The following ZNF727 variants were observed in gnomAD, a reference collection of about 807,000 sequenced individuals.
ZNF727 encodes zinc finger protein 727.
In ZNF727, 11 loss-of-function variants were observed where a neutral mutation model predicts 11.5. That is an observed-to-expected ratio of 0.95 (90% CI 0.60 to 1.58). The LOEUF (loss-of-function observed/expected upper bound fraction) is 1.58, where lower values mean the gene tolerates loss of function less well. ZNF727 is among the 40% of genes most tolerant of loss of function. The pLI is 0.00. For missense variants in ZNF727, 533 were observed against 581.7 expected, an observed-to-expected ratio of 0.92 and a Z score of 0.86; for synonymous variants, 171 against 196.1, an observed-to-expected ratio of 0.87 and a Z score of 1.07.
rs143313934 is a variant in ZNF727 at position 64,059,233 on chromosome 7, G to A, written c.4-9658G>A. On this transcript the variant is annotated intron_variant, in intron 1 of 3. Transcript: ENST00000456806. Reference sequence around the variant, plus strand: ...GCTGGGATTACAGGCATGAGCCGCCGCACCTGGCTGGCTATTGCATTGTCT... The same window carrying A: ...GCTGGGATTACAGGCATGAGCCGCCACACCTGGCTGGCTATTGCATTGTCT... Among the ~76,000 whole-genome samples the A allele has an allele frequency of 3.5e-3, 534 of 152,080 alleles. 1 individual carries two copies. Among genetic ancestry groups the A allele is most frequent in the African/African-American group, 0.012 (491 of 41,494 alleles).
chr7:64,076,586 T>C (rs1284844226), intron 3 of ZNF727, among the ~76,000 whole-genome samples: 1 of 152,040 alleles, frequency 6.6e-6, no homozygotes, highest in Non-Finnish European at 1.5e-5. Context: ...AGAGAGAGAA[T>C]TTGTCTCAAA....
chr7:64,071,055 C>T (rs1789953981), intron 3 of ZNF727, among the ~76,000 whole-genome samples: 1 of 151,730 alleles, frequency 6.6e-6, no homozygotes, highest in Non-Finnish European at 1.5e-5. Context: ...TGTATCTTGA[C>T]AATTGTGAAA....
intron 1 of ZNF727, among the ~76,000 whole-genome samples, chr7:64,065,548 T>C (rs576554370): frequency 9.9e-5 from 15 of 152,228 alleles, no homozygotes; most frequent in Admixed American, 2.0e-4. Context: ...AAGAAACAGG[T>C]TTAATTTGTG....
At chr7:64,072,586 G>T (rs1175163914) in intron 3 of ZNF727, among the ~76,000 whole-genome samples, 2 of 152,110 alleles carry the variant, frequency 1.3e-5, no homozygotes, top group Non-Finnish European at 2.9e-5. Context: ...AAAGGCCAAG[G>T]TCTGCAGACC....
At chr7:64,069,709 G>A in intron 3 of ZNF727, 100 bp downstream of exon 3, 1 of 948,536 alleles carries the variant, frequency 1.1e-6, no homozygotes, top group South Asian at 1.6e-5. Flanking sequence ...CTGCTCCAGT[G>A]GAAATCGTTT....
At chr7:64,059,840 A>G (rs879635888) in intron 1 of ZNF727, among the ~76,000 whole-genome samples, 3 of 152,206 alleles carry the variant, frequency 2.0e-5, no homozygotes, top group Non-Finnish European at 4.4e-5. Context: ...AAATTTTTAT[A>G]TGTAAATTTG....
chr7:64,068,549 A>T (rs1256641007), intron 1 of ZNF727, among the ~76,000 whole-genome samples: 1 of 152,166 alleles, frequency 6.6e-6, no homozygotes, highest in Non-Finnish European at 1.5e-5. Context: ...TTTGAGAAGT[A>T]TGCTTTTAAC....
chr7:64,074,844 G>A (rs1454711408), intron 3 of ZNF727, among the ~76,000 whole-genome samples: 2 of 152,024 alleles, frequency 1.3e-5, no homozygotes, highest in Non-Finnish European at 2.9e-5. Context: ...ATAGGACACT[G>A]TCCAGCATAT....
intron 1 of ZNF727, among the ~76,000 whole-genome samples, chr7:64,067,090 TACAA>T (rs1246296125): frequency 1.3e-5 from 2 of 151,982 alleles, no homozygotes; most frequent in African/African-American, 2.4e-5. Flanking sequence ...GGGCAAAGGA[TACAA>T]ACAGTCACTT....
rs1785855890 is a variant in ZNF727, at chr7:64,085,338, T to TA, written c.*6790dup. 6.6e-6 allele frequency among the ~76,000 whole-genome samples: 1 copy of TA among 152,214 alleles called. No individual in the cohort carries two copies. The highest frequency in any genetic ancestry group is 1.5e-5 in the Non-Finnish European group (1 of 68,036). The stretch of plus-strand genomic sequence containing the variant: ...TTTTATTAAATTTATTGGGTCAATT[T>TA]ATTCAAGTAGAGTTGAACATTTTAT... On this transcript the variant is annotated 3_prime_UTR_variant, in exon 4 of 4. Coordinates refer to ENST00000456806, the MANE Select transcript of ZNF727 (RefSeq NM_001159522.3).
chr7:64,058,517 T>G (rs1365004510), intron 1 of ZNF727, among the ~76,000 whole-genome samples: 1 of 152,138 alleles, frequency 6.6e-6, no homozygotes, highest in African/African-American at 2.4e-5. Context: ...CTAAACCTGG[T>G]GCATCCACTC....
chr7:64,078,122 A>C lies in ZNF727; in HGVS notation c.1073A>C (p.His358Pro). 1 of 1,605,144 alleles carries C rather than the reference A, an allele frequency of 6.2e-7. No homozygotes were observed. Reference sequence around the variant, plus strand: ...ACCTACTCCTCAACCCTTATTAGCCACAAGAGAATTCATATGGAATTGAGA... The same window carrying C: ...ACCTACTCCTCAACCCTTATTAGCCCCAAGAGAATTCATATGGAATTGAGA... ...AFTYSSTLIS[H>P]KRIHMELRPY... Residue 358 changes from histidine to proline, a missense_variant, in exon 4 of 4, where the codon CAC (histidine) becomes CCC (proline). Transcript: ENST00000456806.
intron 1 of ZNF727, among the ~76,000 whole-genome samples, chr7:64,063,190 G>T (rs1039561358): frequency 6.6e-6 from 1 of 151,994 alleles, no homozygotes; most frequent in Non-Finnish European, 1.5e-5. Context: ...TTGATGTCTG[G>T]GCATTAATGA....
chr7:64,073,320 T>TG (rs1789992413), intron 3 of ZNF727, among the ~76,000 whole-genome samples: 1 of 151,300 alleles, frequency 6.6e-6, no homozygotes, highest in Non-Finnish European at 1.5e-5. Context: ...TTTTTTTTTT[T>TG]CATGACTCAA....
intron 1 of ZNF727, among the ~76,000 whole-genome samples, chr7:64,046,183 G>T (rs548551611): frequency 1.4e-4 from 21 of 152,092 alleles, no homozygotes; most frequent in Non-Finnish European, 2.9e-4. Flanking sequence ...ACCTCGCCTG[G>T]TTTTGTGGTT....
intron 1 of ZNF727, among the ~76,000 whole-genome samples, chr7:64,057,683 A>G (rs1789707115): frequency 6.6e-6 from 1 of 152,042 alleles, no homozygotes; most frequent in South Asian, 2.1e-4. Flanking sequence ...CCCATCCTGC[A>G]TATGTGACCC....
At chr7:64,049,741 ATATCTTAGCATTT>A (rs974035615) in intron 1 of ZNF727, among the ~76,000 whole-genome samples, 2 of 151,518 alleles carry the variant, frequency 1.3e-5, no homozygotes, top group African/African-American at 2.4e-5. Flanking sequence ...TTAAAAATTA[ATATCTTAGCATTT>A]TATCTTATTT....
chr7:64,079,491 G>A lies in ZNF727; in HGVS notation c.*942G>A, dbSNP rs1430083606. 1.3e-5 allele frequency among the ~76,000 whole-genome samples: 2 copies of A among 152,118 alleles called. No homozygotes were observed. The highest frequency in any genetic ancestry group is 6.6e-5 in the Admixed American group (1 of 15,254). Reference sequence around the variant, plus strand: ...TGTTGATTTAAAGTCTGTTTTGTCAGAAACTAGGATTGTAATCCTTGCTTT... The same window carrying A: ...TGTTGATTTAAAGTCTGTTTTGTCAAAAACTAGGATTGTAATCCTTGCTTT... On this transcript the variant is annotated 3_prime_UTR_variant, in exon 4 of 4. Transcript: ENST00000456806.
At chr7:64,076,678 T>A (rs1785663299) in intron 3 of ZNF727, among the ~76,000 whole-genome samples, 1 of 152,222 alleles carries the variant, frequency 6.6e-6, no homozygotes, top group African/African-American at 2.4e-5. Context: ...GAATGTGTGT[T>A]CTAGTATTGT....
Sources: allele counts gnomAD v4.1 joint callset (sites outside exome capture counted in the v4.1 genomes callset), GRCh38; gene constraint gnomAD v4.1.1; transcripts MANE v1.5; gene names NCBI Gene and HGNC (gene_info 2026-07-23, HGNC 2026-07-21).